The following ENPEP variants were observed in gnomAD, a reference collection of about 807,000 sequenced individuals.
The protein encoded by ENPEP is glutamyl aminopeptidase.
In ENPEP, 103 loss-of-function variants were observed where a neutral mutation model predicts 114.5. That is an observed-to-expected ratio of 0.90 (90% CI 0.77 to 1.06). The LOEUF is 1.06. Ranked by LOEUF, ENPEP falls within the 50% of genes least tolerant of loss-of-function variation. The pLI, the probability that ENPEP is intolerant of heterozygous loss-of-function variation, is 0.00. For missense variants in ENPEP, 1,196 were observed against 1,161.3 expected, an observed-to-expected ratio of 1.03 and a Z score of -0.43; for synonymous variants, 420 against 422.0, an observed-to-expected ratio of 1.00 and a Z score of 0.06.
intron 8 of ENPEP, among the ~76,000 whole-genome samples, chr4:110,518,180 C>T (rs1282064323): frequency 6.6e-6 from 1 of 152,138 alleles, no homozygotes; most frequent in African/African-American, 2.4e-5. Flanking sequence ...GCAAAATTAT[C>T]AACTGGAAAA....
rs780020784 is a variant in ENPEP, at chr4:110,491,092, G to A, written c.846G>A (p.Met282Ile). Residue 282 changes from methionine to isoleucine, a missense_variant, in exon 3 of 20, where the codon ATG (methionine) becomes ATA (isoleucine). Coordinates refer to ENST00000265162, the MANE Select transcript of ENPEP (RefSeq NM_001977.4). Reference sequence around the variant, plus strand: ...CAACTTTTGAGAAGTCTGTCCCCATGAGCACGTACCTGGTGTGCTTTGCTG... The same window carrying A: ...CAACTTTTGAGAAGTCTGTCCCCATAAGCACGTACCTGGTGTGCTTTGCTG... ...TRTTFEKSVP[M>I]STYLVCFAVH... 3.1e-6 allele frequency: 5 copies of A among 1,612,610 alleles called. No homozygotes were observed. Among genetic ancestry groups the A allele is most frequent in the Admixed American group, 1.7e-5 (1 of 59,968 alleles).
chr4:110,503,719 C>T (rs1404687228), intron 3 of ENPEP, among the ~76,000 whole-genome samples: 3 of 152,138 alleles, frequency 2.0e-5, no homozygotes, highest in African/African-American at 7.2e-5. Flanking sequence ...CTCAACTGTG[C>T]TGTAATTTGA....
rs1216347240 is a variant in ENPEP at position 110,562,608 on chromosome 4, A to G, written c.*1050A>G. 1 of 152,160 alleles carries G rather than the reference A, an allele frequency of 6.6e-6. No homozygotes were observed. Among genetic ancestry groups the G allele is most frequent in the African/African-American group, 2.4e-5 (1 of 41,462 alleles). The allele number at this position is 152,160 out of a possible 1,614,324, so 9.4% of individuals were successfully genotyped here. A position where few individuals can be genotyped will look rare whatever the true frequency, so the allele number is the denominator to read the frequency against. ...ATATATCTCCTTATAGATCAATTTT[A>G]TGTATAAACCCTTAGATCCTAATCC... On this transcript the variant is annotated 3_prime_UTR_variant, in exon 20 of 20. Coordinates refer to ENST00000265162, the MANE Select transcript of ENPEP (RefSeq NM_001977.4).
rs1281815180 is a variant in ENPEP at position 110,562,174 on chromosome 4, C to CT, written c.*623dup. The CT allele has an allele frequency of 1.3e-5, 2 of 152,092 alleles. No individual in the cohort carries two copies. The highest frequency in any genetic ancestry group is 1.9e-4 in the East Asian group (1 of 5,194). The allele number at this position is 152,092 out of a possible 1,614,324, so 9.4% of individuals were successfully genotyped here. On this transcript the variant is annotated 3_prime_UTR_variant, in exon 20 of 20. Coordinates refer to ENST00000265162, the MANE Select transcript of ENPEP (RefSeq NM_001977.4). ...ATAAAATCAATAAGAGAACTCTCCT[C>CT]TTTTTTTAAAAATAAATCTAAATGA...
intron 13 of ENPEP, among the ~76,000 whole-genome samples, chr4:110,546,579 T>C (rs1434043814): frequency 6.6e-6 from 1 of 151,984 alleles, no homozygotes; most frequent in Non-Finnish European, 1.5e-5. Context: ...CAAGGACCAC[T>C]GGCTCCAAGG....
chr4:110,522,944 T>TA (rs1009462904), intron 10 of ENPEP, among the ~76,000 whole-genome samples: 7 of 149,602 alleles, frequency 4.7e-5, no homozygotes, highest in Non-Finnish European at 8.9e-5. Flanking sequence ...TATGAATAAA[T>TA]AAAAAAAAAG....
Position 110,524,332 on chromosome 4 carries a change from G to A in ENPEP, c.1727+3966G>A, listed in dbSNP as rs187507415. Among the ~76,000 whole-genome samples the A allele has an allele frequency of 2.7e-3, 408 of 152,246 alleles. 1 individual carries two copies. The highest frequency in any genetic ancestry group is 9.4e-3 in the African/African-American group (389 of 41,560). ...CACTAACTTTTTAAGTTTTTGAGTA[G>A]TGATGAATTTATCTACAAATTGCAC... On this transcript the variant is annotated intron_variant, in intron 10 of 19. Transcript: ENST00000265162.
chr4:110,492,899 G>A (rs1318798526), intron 3 of ENPEP, among the ~76,000 whole-genome samples: 1 of 152,144 alleles, frequency 6.6e-6, no homozygotes, highest in Admixed American at 6.5e-5. Context: ...ATGTGCAGGT[G>A]TTTCCCATAC....
chr4:110,499,255 A>G (rs1725062888), intron 3 of ENPEP, among the ~76,000 whole-genome samples: 1 of 152,226 alleles, frequency 6.6e-6, no homozygotes, highest in South Asian at 2.1e-4. Flanking sequence ...GAACTATTAC[A>G]TGTCAAACAT....
Position 110,519,941 on chromosome 4 carries a change from T to C in ENPEP, c.1510-67T>C, listed in dbSNP as rs1056911926. ...TAGAATTGAGTAGCAGGGGTTCAGT[T>C]CATCTTGTGAAAGTATGAGAAAAGC... On this transcript the variant is annotated intron_variant, in intron 8 of 19. Transcript: ENST00000265162. 4 of 1,445,888 alleles carry C rather than the reference T, an allele frequency of 2.8e-6. No individual in the cohort carries two copies. The African/African-American group carries it at 5.6e-5, about 20-fold the overall frequency. The allele number at this position is 1,445,888 out of a possible 1,614,324, so 89.6% of individuals were successfully genotyped here.
chr4:110,491,718 CTTTTTTTTTTTT>C (rs970695793), intron 3 of ENPEP, among the ~76,000 whole-genome samples: 1 of 66,060 alleles, frequency 1.5e-5, no homozygotes, highest in Non-Finnish European at 3.5e-5. Flanking sequence ...TTCTTTCTTT[CTTTTTTTTTTTT>C]TTTTTTTTGA....
rs550031809 is a variant in ENPEP, at chr4:110,509,506, G to A, written c.1040-147G>A. On this transcript the variant is annotated intron_variant, in intron 4 of 19. Coordinates refer to ENST00000265162, the MANE Select transcript of ENPEP (RefSeq NM_001977.4). ...ACTTTGAGTGCATTAGGACTGAAAT[G>A]TTCGCACACATGATTACAGTTCTTT... 2.0e-4 allele frequency: 201 copies of A among 1,024,890 alleles called. 1 individual carries two copies. In the South Asian group the frequency reaches 2.5e-3, roughly 13 times the overall value. 63.5% of individuals were successfully genotyped at this position (1,024,890 alleles called of 1,614,324 possible).
chr4:110,559,582 C>A, intron 18 of ENPEP, 65 bp from the exon 19 acceptor site: 2 of 1,131,868 alleles, frequency 1.8e-6, no homozygotes, highest in Non-Finnish European at 2.6e-6. Context: ...GAAACATCTG[C>A]ATTTAGAGAA....
In ENPEP at chr4:110,515,433, A is replaced by G. The variant is rs1158903019; in HGVS notation, c.1500A>G (p.Lys500=). 2 of 1,590,592 alleles carry G rather than the reference A, an allele frequency of 1.3e-6. No individual in the cohort carries two copies. The highest frequency in any genetic ancestry group is 2.7e-5 in the African/African-American group (2 of 73,220). The change falls in exon 8 of 20, where the codon AAA becomes AAG. Residue 500 remains lysine (K), a synonymous_variant. Coordinates refer to ENST00000265162, the MANE Select transcript of ENPEP (RefSeq NM_001977.4). ...EDWIKPENFQ[K]GCQMYLEKYQ... The stretch of plus-strand genomic sequence containing the variant: ...GGATAAAACCAGAGAATTTTCAAAA[A>G]GGATGTCAGGTATGATTTATTACTT...
intron 1 of ENPEP, among the ~76,000 whole-genome samples, chr4:110,481,845 G>A (rs1724322113): frequency 6.6e-6 from 1 of 151,950 alleles, no homozygotes; most frequent in Non-Finnish European, 1.5e-5. Flanking sequence ...GGGCTGCCAA[G>A]GTGTTCTTCG....
At chr4:110,560,055 G>GT (rs1261940208) in intron 19 of ENPEP, among the ~76,000 whole-genome samples, 1 of 152,082 alleles carries the variant, frequency 6.6e-6, no homozygotes, top group Non-Finnish European at 1.5e-5. Flanking sequence ...TTGGTTTTCT[G>GT]TTCCTGTATT....
At chr4:110,504,544 G>A (rs932045926) in intron 3 of ENPEP, among the ~76,000 whole-genome samples, 1 of 152,090 alleles carries the variant, frequency 6.6e-6, no homozygotes, top group African/African-American at 2.4e-5. Context: ...GCTTGGTGAA[G>A]AGCTGACCCT....
At position 110,488,465 on chromosome 4, in the gene ENPEP, T is replaced by C. The variant is rs183935592; in HGVS notation, c.645-76T>C. 732 of 1,417,724 alleles carry C rather than the reference T, an allele frequency of 5.2e-4. 2 individuals carry two copies. In the African/African-American group the frequency reaches 8.9e-3, roughly 17 times the overall value. 87.8% of individuals were successfully genotyped at this position (1,417,724 alleles called of 1,614,324 possible). A position where few individuals can be genotyped will look rare whatever the true frequency, so the allele number is the denominator to read the frequency against. ...TATAATTGCATAGCTGATTTTTTTTTCCCCTAGGAATAGAGACATAGGGGT... is the reference window on the plus strand; with the variant it reads ...TATAATTGCATAGCTGATTTTTTTTCCCCCTAGGAATAGAGACATAGGGGT... On this transcript the variant is annotated intron_variant, in intron 1 of 19. Coordinates refer to ENST00000265162, the MANE Select transcript of ENPEP (RefSeq NM_001977.4).
At chr4:110,546,113 A>T (rs1036206381) in intron 13 of ENPEP, among the ~76,000 whole-genome samples, 8 of 151,944 alleles carry the variant, frequency 5.3e-5, no homozygotes, top group Admixed American at 1.3e-4. Context: ...GCACTCTTTG[A>T]AAGGCCTCCA....
Sources: allele counts gnomAD v4.1 joint callset (sites outside exome capture counted in the v4.1 genomes callset), GRCh38; gene constraint gnomAD v4.1.1; transcripts MANE v1.5; gene names NCBI Gene and HGNC (gene_info 2026-07-23, HGNC 2026-07-21).